Variants in FAM171A1 observed in about 807,000 individuals in gnomAD.
FAM171A1 encodes family with sequence similarity 171 member A1.
A neutral mutation model predicts 74.9 loss-of-function variants in FAM171A1; 23 were observed. That is an observed-to-expected ratio of 0.31 (90% CI 0.22 to 0.44). FAM171A1 has a LOEUF of 0.44. Among genes scored for constraint, FAM171A1 ranks in the 20% least tolerant of loss-of-function variants. FAM171A1 has a pLI of 1.00. For synonymous variants in FAM171A1, 527 were observed against 505.7 expected (o/e 1.04, Z -0.57); for missense variants, 1,162 against 1,159.2 (o/e 1.00, Z -0.03).
chr10:15,337,756 C>T lies in FAM171A1; in HGVS notation c.97+33200G>A, dbSNP rs191685797. ...TTGAGATCGGGAATTTGAGAACAGC[C>T]TGGCCAACGCGGTAAAACCCCGACT... On this transcript the variant is annotated intron_variant, in intron 1 of 7. Transcript: ENST00000378116. Among the ~76,000 whole-genome samples the T allele has an allele frequency of 7.8e-4, 119 of 152,304 alleles. 1 individual carries two copies. Among genetic ancestry groups the T allele is most frequent in the Non-Finnish European group, 1.4e-3 (98 of 68,026 alleles).
intron 1 of FAM171A1, among the ~76,000 whole-genome samples, chr10:15,364,208 G>T (rs1362143308): frequency 6.6e-6 from 1 of 152,178 alleles, no homozygotes; most frequent in Non-Finnish European, 1.5e-5. Context: ...TCTGAAAGTG[G>T]CTTTTGGCAG....
intron 3 of FAM171A1, among the ~76,000 whole-genome samples, chr10:15,261,938 A>AC (rs1161092410): frequency 1.3e-5 from 2 of 151,958 alleles, no homozygotes; most frequent in African/African-American, 4.8e-5. Context: ...GGCAACATAG[A>AC]CCCCATCTCT....
intron 4 of FAM171A1, among the ~76,000 whole-genome samples, chr10:15,251,585 TTTTG>T (rs1834509383): frequency 6.6e-6 from 1 of 151,742 alleles, no homozygotes; most frequent in African/African-American, 2.4e-5. Context: ...TTTTCTTTGT[TTTTG>T]TATTTTTAGT....
chr10:15,277,316 C>G (rs1834907097), intron 2 of FAM171A1, among the ~76,000 whole-genome samples: 1 of 152,166 alleles, frequency 6.6e-6, no homozygotes, highest in Admixed American at 6.5e-5. Flanking sequence ...CTCGCAGGTT[C>G]AAGTGATTCT....
rs368369912 is a variant in FAM171A1 at position 15,216,502 on chromosome 10, C to T, written c.872-392G>A. On this transcript the variant is annotated intron_variant, in intron 6 of 7. Coordinates refer to ENST00000378116, the MANE Select transcript of FAM171A1 (RefSeq NM_001010924.2). Reference sequence around the variant, plus strand: ...CTGGAGCGCAGTGATACAATCATGGCTTACTGTAGCCTTGACCTCCTGGGC... The same window carrying T: ...CTGGAGCGCAGTGATACAATCATGGTTTACTGTAGCCTTGACCTCCTGGGC... Among the ~76,000 whole-genome samples, 21 of 152,098 alleles carry T rather than the reference C, an allele frequency of 1.4e-4. No homozygotes were observed. In the South Asian group the frequency reaches 3.7e-3, roughly 27 times the overall value.
chr10:15,225,611 G>C (rs920479611), intron 5 of FAM171A1, among the ~76,000 whole-genome samples: 1 of 152,184 alleles, frequency 6.6e-6, no homozygotes, highest in Admixed American at 6.5e-5. Context: ...GCGGGCACCA[G>C]GGCCAGGATT....
At chr10:15,328,392 C>T (rs1000498041) in intron 1 of FAM171A1, among the ~76,000 whole-genome samples, 6 of 152,136 alleles carry the variant, frequency 3.9e-5, no homozygotes, top group African/African-American at 1.4e-4. Context: ...GTGATCCACC[C>T]GCCTCGGCCT....
At chr10:15,235,360 T>C (rs866450219) in intron 5 of FAM171A1, among the ~76,000 whole-genome samples, 21 of 148,934 alleles carry the variant, frequency 1.4e-4, no homozygotes, top group Middle Eastern at 3.5e-3. Flanking sequence ...GAGTCGGCCT[T>C]AGGTTCTCTA....
intron 5 of FAM171A1, among the ~76,000 whole-genome samples, chr10:15,242,819 A>G (rs1045875194): frequency 5.9e-5 from 9 of 152,192 alleles, no homozygotes; most frequent in African/African-American, 1.7e-4. Context: ...AAATAGGTCA[A>G]CTTCACAATG....
At chr10:15,249,809 T>A (rs1229650476) in intron 4 of FAM171A1, among the ~76,000 whole-genome samples, 1 of 152,230 alleles carries the variant, frequency 6.6e-6, no homozygotes, top group African/African-American at 2.4e-5. Flanking sequence ...ACAGATAAAT[T>A]AGAGAATGCT....
chr10:15,257,746 T>A (rs79186221), intron 3 of FAM171A1, among the ~76,000 whole-genome samples: 11 of 152,122 alleles, frequency 7.2e-5, no homozygotes, highest in African/African-American at 2.4e-4. Context: ...GCAACACCTA[T>A]GGTGATGAAA....
chr10:15,286,324 A>C (rs2131811753), intron 1 of FAM171A1, among the ~76,000 whole-genome samples: 1 of 152,280 alleles, frequency 6.6e-6, no homozygotes, highest in South Asian at 2.1e-4. Flanking sequence ...CTTGCCACCC[A>C]GGGTGGAGTG....
chr10:15,287,522 G>A (rs1242001659), intron 1 of FAM171A1, among the ~76,000 whole-genome samples: 3 of 151,858 alleles, frequency 2.0e-5, no homozygotes, highest in Non-Finnish European at 2.9e-5. Flanking sequence ...AGAGTAGCTG[G>A]GACTACAGGC....
chr10:15,224,081 T>C (rs1235313583), intron 5 of FAM171A1, among the ~76,000 whole-genome samples: 5 of 152,104 alleles, frequency 3.3e-5, no homozygotes, highest in Non-Finnish European at 7.4e-5. Flanking sequence ...GAAGAAGACA[T>C]AGCTGCTTGG....
chr10:15,305,664 T>TAAAAAAAAAAAAAAAAAA (rs59843893), intron 1 of FAM171A1, among the ~76,000 whole-genome samples: 1 of 52,940 alleles, frequency 1.9e-5, no homozygotes, highest in Non-Finnish European at 3.2e-5. Flanking sequence ...GAGATCTGGC[T>TAAAAAAAAAAAAAAAAAA]AAAAAAAAAA....
intron 1 of FAM171A1, among the ~76,000 whole-genome samples, chr10:15,319,856 T>C (rs1835466262): frequency 6.6e-6 from 1 of 152,234 alleles, no homozygotes; most frequent in African/African-American, 2.4e-5. Flanking sequence ...TAAAAGGTTT[T>C]GTAAAACTCT....
Position 15,212,990 on chromosome 10 carries a change from A to G in FAM171A1, c.2598T>C (p.Asp866=). ...GGCTTTTCTTGTCTTCTCCTTGGTC[A>G]TCATCATCATCGTCTTCCTCTTCCT... ...AHEEEEDDDD[D]DQGEDKKSPW... The change falls in exon 8 of 8, where the codon GAT becomes GAC. Residue 866 remains aspartate (D), a synonymous_variant. Coordinates refer to ENST00000378116, the MANE Select transcript of FAM171A1 (RefSeq NM_001010924.2). 1.2e-6 allele frequency: 2 copies of G among 1,613,684 alleles called. No homozygotes were observed. Among genetic ancestry groups the G allele is most frequent in the Non-Finnish European group, 1.7e-6 (2 of 1,179,928 alleles).
chr10:15,239,385 C>A (rs1834335128), intron 5 of FAM171A1, among the ~76,000 whole-genome samples: 1 of 152,020 alleles, frequency 6.6e-6, no homozygotes, highest in Non-Finnish European at 1.5e-5. Context: ...CTCACTGCAA[C>A]CTCCACTTCC....
In FAM171A1 at chr10:15,212,571, C is replaced by T. The variant is rs1268692803; in HGVS notation, c.*344G>A. On this transcript the variant is annotated 3_prime_UTR_variant, in exon 8 of 8. Coordinates refer to ENST00000378116, the MANE Select transcript of FAM171A1 (RefSeq NM_001010924.2). ...AGCGATGCAAAAAGTTTCATCTGTT[C>T]CCAGAATCCGAGGGAGAACTGAGGT... 1 of 280,088 alleles carries T rather than the reference C, an allele frequency of 3.6e-6. No individual in the cohort carries two copies. Among genetic ancestry groups the T allele is most frequent in the Non-Finnish European group, 6.7e-6 (1 of 149,708 alleles). 17.4% of individuals were successfully genotyped at this position (280,088 alleles called of 1,614,324 possible).
Sources: gnomAD v4.1 joint callset for allele counts (sites outside exome capture counted in the v4.1 genomes callset) on GRCh38, gnomAD v4.1.1 for gene constraint, MANE v1.5 for transcripts, NCBI Gene and HGNC (gene_info 2026-07-23, HGNC 2026-07-21) for gene names.